Variants in SLC9A6 observed in about 807,000 individuals in gnomAD.
SLC9A6 encodes sodium/hydrogen exchanger 6.
In SLC9A6, 6 loss-of-function variants were observed where a neutral mutation model predicts 45.3. The observed-to-expected ratio is 0.13, with a 90% CI of 0.07 to 0.26. SLC9A6 has a LOEUF of 0.26. Ranked by LOEUF, SLC9A6 falls within the 10% of genes least tolerant of loss-of-function variation. The probability of loss-of-function intolerance (pLI) is 1.00; values close to 1 mark genes in which losing one functional copy is unlikely to be tolerated. For missense variants in SLC9A6, 278 were observed against 503.7 expected, an observed-to-expected ratio of 0.55 and a Z score of 4.29; for synonymous variants, 191 against 187.7, an observed-to-expected ratio of 1.02 and a Z score of -0.14.
intron 13 of SLC9A6, among the ~76,000 whole-genome samples, chrX:136,026,769 C>G (rs1448603317): frequency 6.2e-5 from 7 of 112,013 alleles, no homozygotes; most frequent in Non-Finnish European, 1.3e-4. Context: ...CTCCTGGCCT[C>G]AAGTGATTCG....
At chrX:136,031,740 G>A (rs1414088563) in intron 15 of SLC9A6, among the ~76,000 whole-genome samples, 1 of 111,685 alleles carries the variant, frequency 9.0e-6, no homozygotes, top group East Asian at 2.8e-4. Context: ...GAATGTCCAC[G>A]AGAAAGCACA....
upstream of SLC9A6, chrX:135,985,089 G>A (rs1241355371): frequency 8.1e-6 from 1 of 124,127 alleles, no homozygotes; most frequent in African/African-American, 3.2e-5. Context: ...TCCTCCCAAG[G>A]GGACAACTTA....
At position 136,000,828 on chromosome X, in the gene SLC9A6, T is replaced by A. The variant is rs142060427; in HGVS notation, c.638-1280T>A. On this transcript the variant is annotated intron_variant, in intron 6 of 17. Transcript: ENST00000630721. Reference sequence around the variant, plus strand: ...AATGCTTTGTAGTAGAAACTATATCTTTTAAAATATACTGGACATGGTGGC... The same window carrying A: ...AATGCTTTGTAGTAGAAACTATATCATTTAAAATATACTGGACATGGTGGC... Among the ~76,000 whole-genome samples the A allele has an allele frequency of 5.1e-4, 56 of 110,804 alleles. No individual in the cohort carries two copies. In the East Asian group the frequency reaches 0.015, roughly 30 times the overall value.
chrX:136,031,961 G>A (rs187830900), intron 15 of SLC9A6, among the ~76,000 whole-genome samples: 6 of 112,517 alleles, frequency 5.3e-5, no homozygotes, highest in Non-Finnish European at 3.8e-5. Flanking sequence ...TACATGACAC[G>A]TGACACGTTG....
chrX:136,020,742 T>A (rs1556619843), intron 11 of SLC9A6, among the ~76,000 whole-genome samples: 1 of 112,443 alleles, frequency 8.9e-6, no homozygotes, highest in Non-Finnish European at 1.9e-5. Flanking sequence ...ACAACTTTTT[T>A]ATTTTCTTGC....
intron 13 of SLC9A6, 148 bp downstream of exon 13, chrX:136,024,631 A>G: frequency 1.9e-6 from 1 of 521,316 alleles, no homozygotes; most frequent in East Asian, 3.7e-5. Context: ...AGAAAAAGGA[A>G]AATATATATG....
intron 7 of SLC9A6, among the ~76,000 whole-genome samples, chrX:136,005,617 G>A (rs1365626314): frequency 9.3e-6 from 1 of 107,199 alleles, no homozygotes; most frequent in Non-Finnish European, 1.9e-5. Flanking sequence ...GGAGGCGGAA[G>A]TTGCGGTGAC....
At chrX:135,993,689 G>A (rs1430753184) in intron 2 of SLC9A6, among the ~76,000 whole-genome samples, 1 of 110,848 alleles carries the variant, frequency 9.0e-6, no homozygotes, top group Non-Finnish European at 1.9e-5. Context: ...TACTTGGGAG[G>A]CTGAGGCAGG....
Position 135,985,568 on chromosome X carries a change from C to G in SLC9A6, c.-56-35C>G, listed in dbSNP as rs1282592417. 5 of 1,197,570 alleles carry G rather than the reference C, an allele frequency of 4.2e-6. No homozygotes were observed. In the Admixed American group the frequency reaches 1.1e-4, roughly 26 times the overall value. ...GCGTCGGCAGCAGTCCCCGAGCCCG[C>G]AGGCTCATGCGGCCCCTTTGGTTGC... On this transcript the variant is annotated intron_variant, in intron 1 of 17. Coordinates refer to ENST00000630721, the MANE Select transcript of SLC9A6 (RefSeq NM_001379110.1).
At chrX:135,992,232 A>G (rs952307) in intron 2 of SLC9A6, among the ~76,000 whole-genome samples, 8,134 of 110,814 alleles carry the variant, frequency 0.073, 322 homozygotes, top group African/African-American at 0.16. Context: ...TTAGTCTTTC[A>G]TCTCCCTTCC....
At chrX:136,039,927 A>T (rs1556622303) in intron 16 of SLC9A6, 149 bp from the exon 17 acceptor site, 1 of 511,193 alleles carries the variant, frequency 2.0e-6, no homozygotes, top group African/African-American at 2.3e-5. Flanking sequence ...TTTCACTGCC[A>T]TCATGTGAGG....
chrX:136,032,481 C>T (rs1303005942), intron 15 of SLC9A6, among the ~76,000 whole-genome samples: 1 of 112,310 alleles, frequency 8.9e-6, no homozygotes, highest in East Asian at 2.8e-4. Context: ...TGAAGAAATT[C>T]GGGCCCAGAG....
In SLC9A6 at chrX:136,013,436, A is replaced by G; in HGVS notation, c.1079A>G (p.Gln360Arg). 1.7e-6 allele frequency: 2 copies of G among 1,160,464 alleles called. No homozygotes were observed. Among genetic ancestry groups the G allele is most frequent in the Non-Finnish European group, 2.4e-6 (2 of 849,436 alleles). ...LSTESQHRTK[Q>R]LFELLNFLAE... ...ACGGAGTCTCAGCATAGAACTAAAC[A>G]GGTAAGAGGAACTTTATAGTTTGTG... Residue 360 changes from glutamine to arginine, a missense_variant and splice_region_variant, in exon 10 of 18, where the codon CAG becomes CGG. By Grantham distance (43) the Gln-to-Arg change is conservative. Coordinates refer to ENST00000630721, the MANE Select transcript of SLC9A6 (RefSeq NM_001379110.1).
chrX:136,019,339 C>G (rs1477671815), intron 11 of SLC9A6, among the ~76,000 whole-genome samples: 1 of 112,495 alleles, frequency 8.9e-6, no homozygotes, highest in Non-Finnish European at 1.9e-5. Flanking sequence ...TCCAACGTGG[C>G]TCACCCCTGT....
intron 1 of SLC9A6, among the ~76,000 whole-genome samples, chrX:135,979,957 G>C (rs2089279023): frequency 9.0e-6 from 1 of 110,620 alleles, no homozygotes; most frequent in Non-Finnish European, 1.9e-5. Flanking sequence ...GTAGATATAG[G>C]GTTTCACCAT....
At chrX:136,042,367 G>A (rs1323578261) in intron 17 of SLC9A6, among the ~76,000 whole-genome samples, 4 of 110,676 alleles carry the variant, frequency 3.6e-5, no homozygotes, top group South Asian at 3.8e-4. Context: ...TAGTAGAGAC[G>A]AGGTTTCGCC....
rs1267746132 is a variant in SLC9A6 at position 136,028,874 on chromosome X, A to G, written c.1461-12A>G. On this transcript the variant is annotated splice_polypyrimidine_tract_variant and intron_variant, in intron 13 of 17. Coordinates refer to ENST00000630721, the MANE Select transcript of SLC9A6 (RefSeq NM_001379110.1). Reference sequence around the variant, plus strand: ...TTAATCAATAAACATTTGAGCACCTATTGTGTGTCAGGTACTGTGCTAGAC... The same window carrying G: ...TTAATCAATAAACATTTGAGCACCTGTTGTGTGTCAGGTACTGTGCTAGAC... 4 of 294,153 alleles carry G rather than the reference A, an allele frequency of 1.4e-5. No homozygotes were observed. The highest frequency in any genetic ancestry group is 2.4e-5 in the Non-Finnish European group (4 of 169,204). The allele number at this position is 294,153 out of a possible 1,213,427, so 24.2% of individuals were successfully genotyped here.
chrX:135,977,634 G>A (rs782534991), intron 1 of SLC9A6, among the ~76,000 whole-genome samples: 1 of 110,859 alleles, frequency 9.0e-6, no homozygotes, highest in South Asian at 3.8e-4. Flanking sequence ...AACCTCTCTG[G>A]GTAACACATT....
upstream of SLC9A6, chrX:135,983,718 T>C (rs1163579225): frequency 4.7e-5 from 5 of 106,441 alleles, no homozygotes; most frequent in East Asian, 1.5e-3. Flanking sequence ...TTTTTTTTTT[T>C]CAAGTTCCCA....
Sources: gnomAD v4.1 joint callset for allele counts (sites outside exome capture counted in the v4.1 genomes callset) on GRCh38, gnomAD v4.1.1 for gene constraint, MANE v1.5 for transcripts, NCBI Gene and HGNC (gene_info 2026-07-23, HGNC 2026-07-21) for gene names.